Variants in GRIP1 observed in about 807,000 individuals in gnomAD.
The protein encoded by GRIP1 is glutamate receptor interacting protein 1, also known as glutamate receptor-interacting protein 1.
A neutral mutation model predicts 129.9 loss-of-function variants in GRIP1; 45 were observed. The observed-to-expected ratio is 0.35, with a 90% CI of 0.27 to 0.44. The LOEUF is 0.44. Among genes scored for constraint, GRIP1 ranks in the 20% least tolerant of loss-of-function variants. The probability of loss-of-function intolerance (pLI) is 1.00; values close to 1 mark genes in which losing one functional copy is unlikely to be tolerated. For synonymous variants in GRIP1, 530 were observed against 520.8 expected (o/e 1.02, Z -0.24); for missense variants, 1,196 against 1,396.8 (o/e 0.86, Z 2.29).
At chr12:67,059,942 G>A (rs2043502390) in intron 1 of GRIP1, among the ~76,000 whole-genome samples, 1 of 152,158 alleles carries the variant, frequency 6.6e-6, no homozygotes, top group East Asian at 1.9e-4. Context: ...TCTGTGACTA[G>A]CGAGTTTATC....
At chr12:66,889,722 A>C (rs1364407237) in intron 1 of GRIP1, among the ~76,000 whole-genome samples, 3 of 152,222 alleles carry the variant, frequency 2.0e-5, no homozygotes, top group African/African-American at 7.2e-5. Flanking sequence ...TTAAGGCTTA[A>C]ATGTGTAACA....
At chr12:66,674,578 C>T (rs143150339) in intron 1 of GRIP1, among the ~76,000 whole-genome samples, 127 of 152,262 alleles carry the variant, frequency 8.3e-4, no homozygotes, top group Middle Eastern at 3.4e-3. Flanking sequence ...AAAAGTTTAT[C>T]AGACAAACTG....
intron 1 of GRIP1, among the ~76,000 whole-genome samples, chr12:66,951,907 T>C (rs182307405): frequency 9.2e-5 from 14 of 152,264 alleles, no homozygotes; most frequent in East Asian, 3.9e-4. Flanking sequence ...GGTTTTAAAT[T>C]GGCAATGGAG....
intron 1 of GRIP1, among the ~76,000 whole-genome samples, chr12:66,673,511 C>T (rs1409616076): frequency 6.6e-6 from 1 of 152,130 alleles, no homozygotes; most frequent in Non-Finnish European, 1.5e-5. Context: ...GCCAAAATTT[C>T]CTCTGGAGGA....
rs567463697 is a variant in GRIP1, at chr12:66,393,527, C to G, written c.2129+681G>C. ...GCTCCAACATTTTGCAATGCTGTGT[C>G]TCTATTTTGCTAGCCACTGTTTTCA... is the stretch of plus-strand genomic sequence containing the variant. On this transcript the variant is annotated intron_variant, in intron 17 of 24. Coordinates refer to ENST00000359742, the MANE Select transcript of GRIP1 (RefSeq NM_001366722.1). Among the ~76,000 whole-genome samples the G allele has an allele frequency of 7.9e-5, 12 of 152,220 alleles. 1 individual carries two copies. In the South Asian group the frequency reaches 2.5e-3, roughly 32 times the overall value.
At chr12:66,598,077 A>G (rs2064125643) in intron 1 of GRIP1, among the ~76,000 whole-genome samples, 1 of 152,226 alleles carries the variant, frequency 6.6e-6, no homozygotes, top group Non-Finnish European at 1.5e-5. Flanking sequence ...TAAAGAATTT[A>G]AAGAAACCAT....
intron 1 of GRIP1, among the ~76,000 whole-genome samples, chr12:66,907,833 T>C (rs1270288038): frequency 6.6e-6 from 1 of 152,024 alleles, no homozygotes; most frequent in African/African-American, 2.4e-5. Flanking sequence ...CAACAACAAG[T>C]TCCATTCATT....
intron 23 of GRIP1, among the ~76,000 whole-genome samples, chr12:66,366,765 C>T (rs1438508515): frequency 2.0e-5 from 3 of 152,144 alleles, no homozygotes; most frequent in Non-Finnish European, 4.4e-5. Flanking sequence ...TTCACTGAAG[C>T]CTTGACCTTC....
At chr12:66,720,770 T>C (rs576643488) in intron 1 of GRIP1, among the ~76,000 whole-genome samples, 1 of 152,288 alleles carries the variant, frequency 6.6e-6, no homozygotes, top group East Asian at 1.9e-4. Flanking sequence ...ATTCTAATTC[T>C]CTTGTTATTT....
At chr12:67,002,949 G>T (rs1366301084) in intron 1 of GRIP1, among the ~76,000 whole-genome samples, 1 of 152,066 alleles carries the variant, frequency 6.6e-6, no homozygotes, top group Non-Finnish European at 1.5e-5. Flanking sequence ...CAGCACCTTG[G>T]ATTTTCCTGG....
chr12:66,901,850 CA>C (rs1450004980), intron 1 of GRIP1, among the ~76,000 whole-genome samples: 1 of 152,174 alleles, frequency 6.6e-6, no homozygotes, highest in Admixed American at 6.5e-5. Context: ...ACTAAAGTTC[CA>C]TTGAGTGTTC....
At chr12:66,545,811 A>T (rs1002863538) in intron 2 of GRIP1, among the ~76,000 whole-genome samples, 10 of 152,230 alleles carry the variant, frequency 6.6e-5, no homozygotes, top group African/African-American at 2.4e-4. Context: ...AGCAATGAAC[A>T]TATGTACCTT....
intron 1 of GRIP1, among the ~76,000 whole-genome samples, chr12:67,030,248 A>T (rs1442014771): frequency 1.3e-5 from 2 of 149,968 alleles, no homozygotes; most frequent in Non-Finnish European, 3.0e-5. Context: ...TATTGAAAAA[A>T]ATCAAAATCT....
intron 1 of GRIP1, among the ~76,000 whole-genome samples, chr12:66,723,250 TCCTTCCTTCCTTCCTTCCTTCCTTCCTTC>T (rs2036131982): frequency 2.6e-4 from 2 of 7,752 alleles, no homozygotes; most frequent in African/African-American, 1.2e-3. Context: ...CTTCCTTCCT[TCCTTCCTTCCTTCCTTCCTTCCTTCCTTC>T]CTTCCTTTCT....
At chr12:66,550,060 T>TA (rs796651801) in intron 2 of GRIP1, among the ~76,000 whole-genome samples, 42 of 151,676 alleles carry the variant, frequency 2.8e-4, no homozygotes, top group African/African-American at 8.0e-4. Context: ...AGCATTAAGT[T>TA]AAAAAAAAAT....
chr12:67,039,165 C>A (rs1387886267), intron 1 of GRIP1, among the ~76,000 whole-genome samples: 1 of 152,074 alleles, frequency 6.6e-6, no homozygotes, highest in African/African-American at 2.4e-5. Context: ...TATTTGTGGT[C>A]AGGTGGAATA....
chr12:66,899,378 T>G (rs1209407997), intron 1 of GRIP1, among the ~76,000 whole-genome samples: 1 of 152,066 alleles, frequency 6.6e-6, no homozygotes, highest in East Asian at 1.9e-4. Context: ...AAATTTTTTT[T>G]TTTGAGTCAG....
intron 1 of GRIP1, among the ~76,000 whole-genome samples, chr12:66,772,528 A>G (rs939431657): frequency 2.0e-5 from 3 of 152,304 alleles, no homozygotes; most frequent in Non-Finnish European, 2.9e-5. Flanking sequence ...GATTAATGGG[A>G]TATGTCTTTA....
chr12:66,679,852 G>A (rs939700245), upstream of GRIP1, among the ~76,000 whole-genome samples: 3 of 152,132 alleles, frequency 2.0e-5, no homozygotes, highest in African/African-American at 7.2e-5. Context: ...ACGGTCTTGC[G>A]ACATAGCAGA....
Sources: gnomAD v4.1 joint callset for allele counts (sites outside exome capture counted in the v4.1 genomes callset) on GRCh38, gnomAD v4.1.1 for gene constraint, MANE v1.5 for transcripts, NCBI Gene and HGNC (gene_info 2026-07-23, HGNC 2026-07-21) for gene names.